The following TELO2 variants were observed in gnomAD, a reference collection of about 807,000 sequenced individuals.
TELO2 encodes telomere length regulation protein TEL2 homolog.
In TELO2, 71 loss-of-function variants were observed where a neutral mutation model predicts 91.0. The ratio of observed to expected loss-of-function variants is 0.78; its 90% CI spans 0.64 to 0.95. The LOEUF (loss-of-function observed/expected upper bound fraction) is 0.95. Ranked by LOEUF, TELO2 falls within the 40% of genes least tolerant of loss-of-function variation. The pLI is 0.00. For missense variants in TELO2, 1,183 were observed against 1,141.3 expected (o/e 1.04, Z -0.53); for synonymous variants, 584 against 518.9 (o/e 1.13, Z -1.71).
chr16:1,498,696 A>G (rs1000772014), intron 5 of TELO2, among the ~76,000 whole-genome samples: 1 of 148,748 alleles, frequency 6.7e-6, no homozygotes, highest in Non-Finnish European at 1.5e-5. Context: ...TGGCCTCCCA[A>G]ATGTTTTTTT....
At position 1,510,142 on chromosome 16, in the gene TELO2, G is replaced by C; in HGVS notation, c.*206G>C. 1 of 567,148 alleles carries C rather than the reference G, an allele frequency of 1.8e-6. No homozygotes were observed. 35.1% of individuals were successfully genotyped at this position (567,148 alleles called of 1,614,324 possible). A position where few individuals can be genotyped will look rare whatever the true frequency, so the allele number is the denominator to read the frequency against. Reference sequence around the variant, plus strand: ...AATACACTGGGCCTGGGCACTGCCCGCCGGGACATGGCAGCCTGGACGTGG... The same window carrying C: ...AATACACTGGGCCTGGGCACTGCCCCCCGGGACATGGCAGCCTGGACGTGG... On this transcript the variant is annotated 3_prime_UTR_variant, in exon 21 of 21. Coordinates refer to ENST00000262319, the MANE Select transcript of TELO2 (RefSeq NM_016111.4).
rs2039729266 is a variant in TELO2, at chr16:1,502,544, G to A, written c.1654-101G>A. The A allele has an allele frequency of 5.3e-6, 8 of 1,516,390 alleles. No individual in the cohort carries two copies. In the South Asian group the frequency reaches 7.3e-5, roughly 14 times the overall value. The allele number at this position is 1,516,390 out of a possible 1,614,324, so 93.9% of individuals were successfully genotyped here. A position where few individuals can be genotyped will look rare whatever the true frequency, so the allele number is the denominator to read the frequency against. On this transcript the variant is annotated intron_variant, in intron 13 of 20. Coordinates refer to ENST00000262319, the MANE Select transcript of TELO2 (RefSeq NM_016111.4). ...CTCTCCCGGGGGGCCTGCGGCCTGGGGCCTCTGCTGGGGTGGGTGGCTCCG... is the reference window on the plus strand; with the variant it reads ...CTCTCCCGGGGGGCCTGCGGCCTGGAGCCTCTGCTGGGGTGGGTGGCTCCG...
intron 19 of TELO2, 104 bp from the exon 20 acceptor site, chr16:1,507,497 T>A: frequency 1.3e-6 from 2 of 1,494,386 alleles, no homozygotes; most frequent in African/African-American, 2.8e-5. Flanking sequence ...AAATAGGAAG[T>A]GTGCCAGGCA....
intron 17 of TELO2, 68 bp downstream of exon 17, chr16:1,506,397 G>A: frequency 6.2e-7 from 1 of 1,611,818 alleles, no homozygotes; most frequent in Non-Finnish European, 8.5e-7. Flanking sequence ...CTGTGGCCAA[G>A]AAGTTCGGGC....
At chr16:1,499,121 A>G in intron 5 of TELO2, 110 bp from the exon 6 acceptor site, 3 of 1,070,396 alleles carry the variant, frequency 2.8e-6, no homozygotes, top group Non-Finnish European at 4.2e-6. Flanking sequence ...GTGGCTAGGA[A>G]TTGGCAGGCC....
In TELO2 at chr16:1,507,581, C is replaced by G; in HGVS notation, c.2292-20C>G. ...GGGTGTGGTCCCTGCCGAGCTCAGC[C>G]CCCGCCTTCTTGCCGGCAGCTACGT... On this transcript the variant is annotated intron_variant, in intron 19 of 20. Transcript: ENST00000262319. 1.3e-6 allele frequency: 2 copies of G among 1,567,536 alleles called. No homozygotes were observed. Among genetic ancestry groups the G allele is most frequent in the Non-Finnish European group, 1.7e-6 (2 of 1,163,370 alleles).
rs762959262 is a variant in TELO2 at position 1,500,098 on chromosome 16, G to A, written c.936G>A (p.Thr312=). 13 of 1,608,714 alleles carry A rather than the reference G, an allele frequency of 8.1e-6. No homozygotes were observed. The highest frequency in any genetic ancestry group is 4.4e-5 in the South Asian group (4 of 90,864). The change falls in exon 7 of 21, where the codon ACG becomes ACA. Residue 312 remains threonine (T), a splice_region_variant and synonymous_variant. Coordinates refer to ENST00000262319, the MANE Select transcript of TELO2 (RefSeq NM_016111.4). ...ACAGGCATGTGCTTTTATTGCAGAC[G>A]CCCATGCTGCAGAGCCTGCTGGGCC... ...KLLFLQSRLT[T]PMLQSLLGHL...
chr16:1,507,401 G>C (rs1443986772), intron 19 of TELO2, 31 bp downstream of exon 19: 2 of 1,606,888 alleles, frequency 1.2e-6, no homozygotes, highest in Non-Finnish European at 1.7e-6. Context: ...GGCCAGGCCA[G>C]GGGTGCAGGC....
In TELO2 at chr16:1,505,479, C is replaced by G. The variant is rs1336743840; in HGVS notation, c.1912C>G (p.Pro638Ala). 3.1e-6 allele frequency: 5 copies of G among 1,613,178 alleles called. No homozygotes were observed. Among genetic ancestry groups the G allele is most frequent in the African/African-American group, 2.7e-5 (2 of 75,064 alleles). Residue 638 changes from proline (P) to alanine (A), a missense_variant, in exon 16 of 21, where the codon CCA becomes GCA. By Grantham distance (27) the Pro-to-Ala change is conservative. Coordinates refer to ENST00000262319, the MANE Select transcript of TELO2 (RefSeq NM_016111.4). The surrounding 1 kb of genome is among the most constrained non-coding windows in gnomAD (Gnocchi z 4.3). ...CLGRTPQPGS[P>A]SPNTPCLPEA... Reference sequence around the variant, plus strand: ...CGGGAGGACTCCCCAACCTGGCTCCCCAAGTCCCAACACCCCGTGCCTGCC... The same window carrying G: ...CGGGAGGACTCCCCAACCTGGCTCCGCAAGTCCCAACACCCCGTGCCTGCC...
At chr16:1,503,090 G>A (rs1277579127) in intron 15 of TELO2, 88 bp downstream of exon 15, 4 of 1,455,502 alleles carry the variant, frequency 2.7e-6, no homozygotes, top group Non-Finnish European at 3.8e-6. Context: ...CTTGTTGCTG[G>A]GCCCCAAGGG....
At chr16:1,499,943 T>C (rs1258241339) in intron 6 of TELO2, among the ~76,000 whole-genome samples, 153 bp from the exon 7 acceptor site, 1 of 151,428 alleles carries the variant, frequency 6.6e-6, no homozygotes. Context: ...AGGGGAGGGG[T>C]CCCGCATTCC....
chr16:1,497,513 G>T lies in TELO2; in HGVS notation c.830+5G>T, dbSNP rs765881352. ...GCTGGTGGAGGCCGCACTGGGGTAA[G>T]CAGCCAGGCTGTCCTCCAGCTGCAC... On this transcript the variant is annotated splice_donor_5th_base_variant and intron_variant, in intron 5 of 20. Coordinates refer to ENST00000262319, the MANE Select transcript of TELO2 (RefSeq NM_016111.4). This position sits in a 1 kb window ranked among gnomAD's most constrained non-coding sequence, Gnocchi z 4.0. The T allele has an allele frequency of 1.4e-5, 22 of 1,553,168 alleles. No individual in the cohort carries two copies. In the Admixed American group the frequency reaches 4.2e-4, roughly 30 times the overall value.
Position 1,500,700 on chromosome 16 carries a change from G to A in TELO2, c.1281+1G>A. Reference sequence around the variant, plus strand: ...CGAGGGGCCTCCCCTGAAATTCCAGGTGAGCGGGCCGTCCCCTCCGCGTCC... The same window carrying A: ...CGAGGGGCCTCCCCTGAAATTCCAGATGAGCGGGCCGTCCCCTCCGCGTCC... On this transcript the variant is annotated splice_donor_variant, in intron 9 of 20. Transcript: ENST00000262319. LOFTEE classifies it high-confidence loss of function. The A allele has an allele frequency of 1.2e-6, 2 of 1,612,162 alleles. No homozygotes were observed. The highest frequency in any genetic ancestry group is 1.7e-6 in the Non-Finnish European group (2 of 1,179,786).
chr16:1,498,736 G>A (rs1219299754), intron 5 of TELO2, among the ~76,000 whole-genome samples: 2 of 140,996 alleles, frequency 1.4e-5, no homozygotes, highest in Non-Finnish European at 3.2e-5. Flanking sequence ...GGAATTTTAA[G>A]TGATAAGTGA....
In TELO2 at chr16:1,505,502, G is replaced by A; in HGVS notation, c.1935G>A (p.Leu645=). 1 of 1,613,030 alleles carries A rather than the reference G, an allele frequency of 6.2e-7. No individual in the cohort carries two copies. The highest frequency in any genetic ancestry group is 2.2e-5 in the East Asian group (1 of 44,868). Residue 645 remains leucine, a synonymous_variant, in exon 16 of 21, where the codon CTG becomes CTA. Coordinates refer to ENST00000262319, the MANE Select transcript of TELO2 (RefSeq NM_016111.4). The surrounding 1 kb of genome is among the most constrained non-coding windows in gnomAD (Gnocchi z 4.3). Reference sequence around the variant, plus strand: ...CCCCAAGTCCCAACACCCCGTGCCTGCCAGAGGCAGCCGTCTCTCAGCCTG... The same window carrying A: ...CCCCAAGTCCCAACACCCCGTGCCTACCAGAGGCAGCCGTCTCTCAGCCTG... The part of the protein sequence containing the change: ...PGSPSPNTPC[L]PEAAVSQPGS...
Position 1,500,458 on chromosome 16 carries a change from G to A in TELO2, c.1114G>A (p.Gly372Arg), listed in dbSNP as rs1243259932. The change falls in exon 8 of 21, where the codon GGG becomes AGG. Residue 372 changes from glycine to arginine, a missense_variant. By Grantham distance (125) the Gly-to-Arg change is moderately radical (BLOSUM62 -2). Transcript: ENST00000262319. ...TGTCCTCATCTGCCTGGCGCAACTC[G>A]GGGAGCCGGAACTGCGGGACAGCCG... ...KAVLICLAQL[G>R]EPELRDSRDE... 1.1e-5 allele frequency: 18 copies of A among 1,610,538 alleles called. No individual in the cohort carries two copies. Among genetic ancestry groups the A allele is most frequent in the East Asian group, 4.5e-5 (2 of 44,796 alleles).
chr16:1,507,276 C>A, intron 18 of TELO2, 30 bp from the exon 19 acceptor site: 2 of 1,603,720 alleles, frequency 1.2e-6, no homozygotes, highest in Non-Finnish European at 1.7e-6. Flanking sequence ...GCGTCGGGAC[C>A]CCACTGACTG....
chr16:1,501,256 C>T (rs1411335707), intron 9 of TELO2, among the ~76,000 whole-genome samples, 164 bp from the exon 10 acceptor site: 2 of 152,224 alleles, frequency 1.3e-5, no homozygotes, highest in African/African-American at 4.8e-5. Flanking sequence ...GAGGTGGAAT[C>T]TTAGAAAGTC....
intron 17 of TELO2, 34 bp from the exon 18 acceptor site, chr16:1,506,918 C>T: frequency 2.6e-6 from 4 of 1,566,844 alleles, no homozygotes; most frequent in Non-Finnish European, 3.5e-6. Context: ...CCCTGAGGCA[C>T]CCGCTGCACC....
Sources: allele counts gnomAD v4.1 joint callset (sites outside exome capture counted in the v4.1 genomes callset), GRCh38; gene constraint gnomAD v4.1.1; non-coding constraint Gnocchi (gnomAD v3.1); transcripts MANE v1.5; gene names NCBI Gene and HGNC (gene_info 2026-07-23, HGNC 2026-07-21).